The following CELF2 variants were observed in gnomAD, a reference collection of about 807,000 sequenced individuals.
The protein encoded by CELF2 is CUGBP Elav-like family member 2, also known as CUG triplet repeat RNA-binding protein 2.
Under a neutral mutation model 62.6 loss-of-function variants are expected in CELF2, and 8 were observed. That is an observed-to-expected ratio of 0.13 (90% CI 0.07 to 0.23). The LOEUF is 0.23. Ranked by LOEUF, CELF2 falls within the 10% of genes least tolerant of loss-of-function variation. The pLI, the probability that CELF2 is intolerant of heterozygous loss-of-function variation, is 1.00. For synonymous variants in CELF2, 258 were observed against 250.0 expected (o/e 1.03, Z -0.30); for missense variants, 333 against 671.0 (o/e 0.50, Z 5.56).
chr10:10,560,147 C>A, the CELF2 span, among the ~76,000 whole-genome samples: 1 of 152,124 alleles, frequency 6.6e-6, no homozygotes, highest in Non-Finnish European at 1.5e-5. Context: ...AGTATAGCTG[C>A]CCCATAATAG....
chr10:10,904,665 G>A (rs183148245), intron 1 of CELF2, among the ~76,000 whole-genome samples: 248 of 152,278 alleles, frequency 1.6e-3, no homozygotes, highest in Middle Eastern at 0.01. Flanking sequence ...TGCAGACGTC[G>A]CTGTGATTAA....
At chr10:11,241,468 G>A (rs1170505229) in intron 3 of CELF2, among the ~76,000 whole-genome samples, 1 of 152,188 alleles carries the variant, frequency 6.6e-6, no homozygotes, top group African/African-American at 2.4e-5. Context: ...CCAAAGTGCT[G>A]GGATTACAGG....
At chr10:11,239,314 A>G (rs1184419744) in intron 3 of CELF2, among the ~76,000 whole-genome samples, 3 of 152,186 alleles carry the variant, frequency 2.0e-5, no homozygotes, top group Non-Finnish European at 2.9e-5. Context: ...GGAGCCTGAT[A>G]AGCCAAAATC....
At position 11,012,482 on chromosome 10, in the gene CELF2, A is replaced by C. The variant is rs1006696948; in HGVS notation, c.53+7042A>C. On this transcript the variant is annotated intron_variant, in intron 1 of 12. Coordinates refer to the CELF2 transcript ENST00000416382. This position sits in a 1 kb window ranked among gnomAD's most constrained non-coding sequence, Gnocchi z 5.5. ...GAAGTAGAGAATTTGATTCCTGCCAAGATCCGTCTCAGACAACCCCACCCT... is the reference window on the plus strand; with the variant it reads ...GAAGTAGAGAATTTGATTCCTGCCACGATCCGTCTCAGACAACCCCACCCT... Among the ~76,000 whole-genome samples, 4 of 152,178 alleles carry C rather than the reference A, an allele frequency of 2.6e-5. No individual in the cohort carries two copies. Among genetic ancestry groups the C allele is most frequent in the African/African-American group, 9.7e-5 (4 of 41,436 alleles).
the CELF2 span, among the ~76,000 whole-genome samples, chr10:10,542,582 G>A: frequency 6.6e-6 from 1 of 152,198 alleles, no homozygotes; most frequent in Non-Finnish European, 1.5e-5. Context: ...GGAGGCTGTT[G>A]GAATAGGGAA....
chr10:11,025,278 T>G (rs2059004850), intron 1 of CELF2, among the ~76,000 whole-genome samples: 1 of 150,816 alleles, frequency 6.6e-6, no homozygotes, highest in African/African-American at 2.4e-5. Context: ...GTCATCTTAT[T>G]GGACATATGG....
chr10:11,325,418 C>A (rs887105180), intron 11 of CELF2, among the ~76,000 whole-genome samples: 3 of 152,226 alleles, frequency 2.0e-5, no homozygotes, highest in African/African-American at 7.2e-5. Context: ...TCAATTGTTA[C>A]AATTTTTTAG....
the CELF2 span, among the ~76,000 whole-genome samples, chr10:10,569,829 CA>C: frequency 6.6e-6 from 1 of 152,156 alleles, no homozygotes; most frequent in African/African-American, 2.4e-5. Context: ...CTGCCACAGT[CA>C]TGGAAAACTC....
chr10:10,814,073 C>G (rs926941027), intron 1 of CELF2, among the ~76,000 whole-genome samples: 1 of 152,050 alleles, frequency 6.6e-6, no homozygotes, highest in East Asian at 1.9e-4. Flanking sequence ...TTAAGGAAGG[C>G]TCAGCACCTC....
chr10:11,286,886 G>A (rs1316336328), intron 8 of CELF2, among the ~76,000 whole-genome samples: 1 of 152,198 alleles, frequency 6.6e-6, no homozygotes, highest in African/African-American at 2.4e-5. Flanking sequence ...AGGTCTGGAT[G>A]TCTCCTGGAA....
chr10:11,018,585 C>G lies in CELF2; in HGVS notation c.74+422C>G, dbSNP rs2057726786. On this transcript the variant is annotated intron_variant, in intron 1 of 12. Coordinates refer to ENST00000633077, the MANE Select transcript of CELF2 (RefSeq NM_001326342.2). Reference sequence around the variant, plus strand: ...CGGGGTCCATGAGTCCAAGTGGGACCGGCGAGCCGGGCGCGGAGTCCCGGG... The same window carrying G: ...CGGGGTCCATGAGTCCAAGTGGGACGGGCGAGCCGGGCGCGGAGTCCCGGG... 2.3e-5 allele frequency among the ~76,000 whole-genome samples: 3 copies of G among 130,770 alleles called. No homozygotes were observed. In the Admixed American group the frequency reaches 2.3e-4, roughly 10 times the overall value. The allele number at this position is 130,770 out of a possible 152,430, so 85.8% of individuals were successfully genotyped here.
chr10:11,017,874 C>A lies in CELF2; in HGVS notation c.-216C>A. 1 of 886,622 alleles carries A rather than the reference C, an allele frequency of 1.1e-6. No individual in the cohort carries two copies. The highest frequency in any genetic ancestry group is 1.3e-6 in the Non-Finnish European group (1 of 741,986). 54.9% of individuals were successfully genotyped at this position (886,622 alleles called of 1,614,324 possible). A position where few individuals can be genotyped will look rare whatever the true frequency, so the allele number is the denominator to read the frequency against. ...GCGGCGGGCGCCCCGCGAGCTCCGC[C>A]CCCGCCCGCCGCACCTGGCGCTCGG... On this transcript the variant is annotated 5_prime_UTR_variant, in exon 1 of 13. Transcript: ENST00000633077. The surrounding 1 kb of genome is among the most constrained non-coding windows in gnomAD (Gnocchi z 5.5).
intron 2 of CELF2, among the ~76,000 whole-genome samples, chr10:10,978,135 A>G (rs1438397212): frequency 6.6e-6 from 1 of 150,902 alleles, no homozygotes; most frequent in Non-Finnish European, 1.5e-5. Flanking sequence ...AAATTACTGT[A>G]CTTGACTCAT....
At chr10:11,277,297 T>C (rs557748236) in intron 8 of CELF2, among the ~76,000 whole-genome samples, 1 of 152,220 alleles carries the variant, frequency 6.6e-6, no homozygotes, top group Non-Finnish European at 1.5e-5. Flanking sequence ...GCACATGTTA[T>C]GGAGTGACCA....
At chr10:10,811,895 A>G (rs900540490) in intron 1 of CELF2, among the ~76,000 whole-genome samples, 2 of 152,090 alleles carry the variant, frequency 1.3e-5, no homozygotes, top group Non-Finnish European at 2.9e-5. Flanking sequence ...GGTCCCAGAG[A>G]GAGTGTTGTT....
intron 1 of CELF2, among the ~76,000 whole-genome samples, chr10:10,805,541 C>T (rs572181584): frequency 6.6e-6 from 1 of 152,170 alleles, no homozygotes; most frequent in African/African-American, 2.4e-5. Context: ...CTTTACGAGG[C>T]GGGCACTTGA....
intron 2 of CELF2, among the ~76,000 whole-genome samples, chr10:10,958,910 G>A (rs959976189): frequency 2.0e-5 from 3 of 152,174 alleles, no homozygotes; most frequent in African/African-American, 4.8e-5. Context: ...TATGTATGGC[G>A]CTTTGGTTGA....
chr10:11,125,166 T>G (rs2058461151), intron 1 of CELF2, among the ~76,000 whole-genome samples: 1 of 152,128 alleles, frequency 6.6e-6, no homozygotes, highest in African/African-American at 2.4e-5. Flanking sequence ...CTTACACAGA[T>G]GTAGTGTGAG....
the CELF2 span, among the ~76,000 whole-genome samples, chr10:10,577,726 A>G: frequency 6.6e-6 from 1 of 152,088 alleles, no homozygotes; most frequent in Non-Finnish European, 1.5e-5. Flanking sequence ...TCCATGGTGT[A>G]TATGTGCCAC....
Sources: gnomAD v4.1 joint callset for allele counts (sites outside exome capture counted in the v4.1 genomes callset) on GRCh38, gnomAD v4.1.1 for gene constraint, Gnocchi (gnomAD v3.1) non-coding constraint, MANE v1.5 for transcripts, NCBI Gene and HGNC (gene_info 2026-07-23, HGNC 2026-07-21) for gene names.